BICC1: variants seen among roughly 807,000 people sequenced by gnomAD.
The protein encoded by BICC1 is BicC family RNA binding protein 1.
In BICC1, 43 loss-of-function variants were observed where a neutral mutation model predicts 111.0. That is an observed-to-expected ratio of 0.39 (90% confidence interval 0.30 to 0.50). The LOEUF is 0.50. Ranked by LOEUF, BICC1 falls within the 20% of genes least tolerant of loss-of-function variation. The pLI is 0.88. For synonymous variants in BICC1, 467 were observed against 434.4 expected, an observed-to-expected ratio of 1.07 and a Z score of -0.93; for missense variants, 1,091 against 1,203.2, an observed-to-expected ratio of 0.91 and a Z score of 1.38.
At chr10:58,789,576 A>G in intron 7 of BICC1, 106 bp from the exon 8 acceptor site, 1 of 1,524,100 alleles carries the variant, frequency 6.6e-7, no homozygotes, top group Non-Finnish European at 8.9e-7. Context: ...TTTGGTTTGC[A>G]GAATATGCTG....
intron 2 of BICC1, among the ~76,000 whole-genome samples, chr10:58,625,777 A>G (rs1451139882): frequency 6.6e-6 from 1 of 152,158 alleles, no homozygotes; most frequent in Non-Finnish European, 1.5e-5. Context: ...TTCCCTCTGT[A>G]CCTAAAAATG....
chr10:58,743,159 G>A (rs1482086798), intron 3 of BICC1, among the ~76,000 whole-genome samples: 2 of 152,182 alleles, frequency 1.3e-5, no homozygotes, highest in Non-Finnish European at 2.9e-5. Flanking sequence ...CTTATTTACA[G>A]AATGACAAGC....
intron 3 of BICC1, among the ~76,000 whole-genome samples, chr10:58,722,965 T>C (rs1003128877): frequency 1.2e-4 from 19 of 152,106 alleles, no homozygotes; most frequent in African/African-American, 4.6e-4. Flanking sequence ...GTTAACTAGT[T>C]TTGGGCTTGT....
At chr10:58,563,235 C>G (rs1181127287) in intron 1 of BICC1, among the ~76,000 whole-genome samples, 19 of 152,124 alleles carry the variant, frequency 1.2e-4, no homozygotes. Flanking sequence ...CAATATGGCT[C>G]TGTGCCGCAG....
intron 3 of BICC1, among the ~76,000 whole-genome samples, chr10:58,744,436 T>A (rs11006248): frequency 0.64 from 97,124 of 151,414 alleles, 33,857 homozygotes; most frequent in East Asian, 0.9. Context: ...TGATTTTTTT[T>A]AAAAAAATAG....
In BICC1 at chr10:58,734,922, T is replaced by C. The variant is rs118095129; in HGVS notation, c.307+32779T>C. 4.3e-3 allele frequency among the ~76,000 whole-genome samples: 655 copies of C among 152,296 alleles called. 10 individuals are homozygous for C. The highest frequency in any genetic ancestry group is 0.011 in the East Asian group (56 of 5,176). ...TCCACATCTGCAAGCAAATTTGGTT[T>C]CTGTACTGTCCATCAAGCAGATCTT... On this transcript the variant is annotated intron_variant, in intron 3 of 20. Coordinates refer to ENST00000373886, the MANE Select transcript of BICC1 (RefSeq NM_001080512.3).
Position 58,799,216 on chromosome 10 carries a change from CA to C in BICC1, c.1696del (p.Ile566SerfsTer5). 2 of 1,611,038 alleles carry C rather than the reference CA, an allele frequency of 1.2e-6. No individual in the cohort carries two copies. The highest frequency in any genetic ancestry group is 8.5e-7 in the Non-Finnish European group (1 of 1,178,536). On this transcript the variant is annotated frameshift_variant, in exon 12 of 21. Transcript: ENST00000373886. LOFTEE classifies it high-confidence loss of function. Reference sequence around the variant, plus strand: ...ATATCAACAGTATGCAGACCGAAGGCAAAAAAATCTCTGCTGCTTTAAATGG... The same window carrying C: ...ATATCAACAGTATGCAGACCGAAGGCAAAAAATCTCTGCTGCTTTAAATGG... The part of the protein sequence containing the change: ...VHINSMQTEG[K>X]KISAALNGHA...
chr10:58,675,384 A>G (rs1299027407), intron 2 of BICC1, among the ~76,000 whole-genome samples: 1 of 152,200 alleles, frequency 6.6e-6, no homozygotes, highest in Non-Finnish European at 1.5e-5. Flanking sequence ...GTTCTGGAAG[A>G]TGAATGGATA....
intron 2 of BICC1, among the ~76,000 whole-genome samples, chr10:58,680,782 G>C (rs544733366): frequency 2.6e-5 from 4 of 152,186 alleles, no homozygotes; most frequent in Non-Finnish European, 4.4e-5. Flanking sequence ...ATACTACAAG[G>C]CTACAGTAAC....
Position 58,789,265 on chromosome 10 carries a change from C to G in BICC1, c.604C>G (p.Leu202Val). The change falls in exon 7 of 21, where the codon CTG (leucine) becomes GTG (valine). Residue 202 changes from leucine to valine, a missense_variant. Physicochemically the swap from Leu to Val is conservative, Grantham distance 32 (BLOSUM62 1). Coordinates refer to ENST00000373886, the MANE Select transcript of BICC1 (RefSeq NM_001080512.3). ...GATTCTCATCATTTCATTTTAGGAGCTGCTTCCTTTGGTGCTGATGTTTGA... is the reference window on the plus strand; with the variant it reads ...GATTCTCATCATTTCATTTTAGGAGGTGCTTCCTTTGGTGCTGATGTTTGA... ...VESARVRIRELLPLVLMFELP... is the reference protein window; with the variant it reads ...VESARVRIREVLPLVLMFELP... The G allele has an allele frequency of 6.2e-7, 1 of 1,612,210 alleles. No individual in the cohort carries two copies. The highest frequency in any genetic ancestry group is 8.5e-7 in the Non-Finnish European group (1 of 1,179,026).
intron 3 of BICC1, among the ~76,000 whole-genome samples, chr10:58,779,597 C>T (rs1231386172): frequency 2.6e-5 from 4 of 152,146 alleles, no homozygotes; most frequent in Non-Finnish European, 5.9e-5. Context: ...TACAGAAATA[C>T]AGCAGTGATC....
chr10:58,693,141 G>A (rs1186428363), intron 2 of BICC1, among the ~76,000 whole-genome samples: 1 of 152,124 alleles, frequency 6.6e-6, no homozygotes, highest in Admixed American at 6.5e-5. Context: ...ATAGTTTGCT[G>A]AGAATGATGG....
chr10:58,610,097 G>A (rs1041965996), intron 1 of BICC1, among the ~76,000 whole-genome samples: 5 of 152,144 alleles, frequency 3.3e-5, no homozygotes, highest in South Asian at 2.1e-4. Context: ...TTTGAAGTTC[G>A]AATAAACCCT....
intron 1 of BICC1, among the ~76,000 whole-genome samples, chr10:58,521,650 T>C (rs187839042): frequency 1.8e-4 from 20 of 110,498 alleles, no homozygotes; most frequent in African/African-American, 8.8e-4. Context: ...AAGTTAGATC[T>C]CCGTTTTGCC....
At chr10:58,615,961 C>T (rs541157880) in intron 1 of BICC1, among the ~76,000 whole-genome samples, 5 of 152,308 alleles carry the variant, frequency 3.3e-5, no homozygotes, top group East Asian at 1.9e-4. Flanking sequence ...GAAAAGTACA[C>T]ACCCAGTCCC....
intron 2 of BICC1, among the ~76,000 whole-genome samples, chr10:58,683,425 T>C (rs1348139795): frequency 7.2e-5 from 11 of 152,178 alleles, no homozygotes; most frequent in Admixed American, 7.2e-4. Flanking sequence ...AAGAAAGTCA[T>C]TGGTAGCTTG....
At chr10:58,820,653 AT>A (rs1171408109) in intron 20 of BICC1, among the ~76,000 whole-genome samples, 185 bp downstream of exon 20, 1 of 152,100 alleles carries the variant, frequency 6.6e-6, no homozygotes, top group Non-Finnish European at 1.5e-5. Context: ...TCATCAAGGC[AT>A]TGCCTGAAAA....
chr10:58,766,710 A>T (rs1294201537), intron 3 of BICC1, among the ~76,000 whole-genome samples: 1 of 152,050 alleles, frequency 6.6e-6, no homozygotes, highest in African/African-American at 2.4e-5. Flanking sequence ...TGCATTGAAG[A>T]GGTTAAGAAG....
chr10:58,701,949 A>T, intron 2 of BICC1, 125 bp from the exon 3 acceptor site: 2 of 647,694 alleles, frequency 3.1e-6, no homozygotes, highest in Admixed American at 6.8e-5. Flanking sequence ...ATTGTTTTCA[A>T]ATGAGATCAT....
Sources: allele counts gnomAD v4.1 joint callset (sites outside exome capture counted in the v4.1 genomes callset), GRCh38; gene constraint gnomAD v4.1.1; transcripts MANE v1.5; gene names NCBI Gene and HGNC (gene_info 2026-07-23, HGNC 2026-07-21).